Variants in TRHDE observed in about 807,000 individuals in gnomAD.
TRHDE encodes the protein thyrotropin releasing hormone degrading enzyme, also known as thyrotropin-releasing hormone-degrading ectoenzyme.
A neutral mutation model predicts 125.7 loss-of-function variants in TRHDE; 72 were observed. That is an observed-to-expected ratio of 0.57 (90% CI 0.47 to 0.70). The LOEUF (loss-of-function observed/expected upper bound fraction) is 0.70, where lower values mean the gene tolerates loss of function less well. Ranked by LOEUF, TRHDE falls within the 30% of genes least tolerant of loss-of-function variation. The probability of loss-of-function intolerance (pLI) is 0.00; values close to 1 mark genes in which losing one functional copy is unlikely to be tolerated. For missense variants in TRHDE, 1,110 were observed against 1,327.1 expected, an observed-to-expected ratio of 0.84 and a Z score of 2.54; for synonymous variants, 509 against 509.1, an observed-to-expected ratio of 1.00 and a Z score of 0.00.
chr12:72,529,924 C>T (rs1195850789), intron 6 of TRHDE, among the ~76,000 whole-genome samples: 3 of 152,074 alleles, frequency 2.0e-5, no homozygotes, highest in Non-Finnish European at 4.4e-5. Context: ...TGCATCTCAC[C>T]TATCAATTCC....
chr12:72,402,168 C>T (rs1363792996), intron 3 of TRHDE, among the ~76,000 whole-genome samples: 1 of 151,896 alleles, frequency 6.6e-6, no homozygotes, highest in Non-Finnish European at 1.5e-5. Context: ...ATAATCTGTC[C>T]TAGGGGTGTC....
At chr12:72,115,503 T>G (rs754097649) in intron 2 of TRHDE, among the ~76,000 whole-genome samples, 1 of 152,116 alleles carries the variant, frequency 6.6e-6, no homozygotes, top group Non-Finnish European at 1.5e-5. Flanking sequence ...AGTGCTACAA[T>G]AAACACAAGA....
chr12:72,118,595 C>G (rs1056231373), intron 2 of TRHDE, among the ~76,000 whole-genome samples: 3 of 152,100 alleles, frequency 2.0e-5, no homozygotes, highest in Non-Finnish European at 2.9e-5. Flanking sequence ...GCCTCCTTTT[C>G]TACTTTTTGG....
intron 7 of TRHDE, among the ~76,000 whole-genome samples, chr12:72,561,494 C>A (rs1870175205): frequency 6.6e-6 from 1 of 152,068 alleles, no homozygotes; most frequent in Admixed American, 6.5e-5. Flanking sequence ...TAGAGGAGAA[C>A]AAAGTGTGAA....
At position 72,664,401 on chromosome 12, in the gene TRHDE, C is replaced by T. The variant is rs1003457788; in HGVS notation, c.*1206C>T. On this transcript the variant is annotated 3_prime_UTR_variant, in exon 19 of 19. Coordinates refer to ENST00000261180, the MANE Select transcript of TRHDE (RefSeq NM_013381.3). ...AGTGGGTCTATTAGCATTTAATGAC[C>T]TTTTGTGCCAGTTGTGCCATCCCTT... 6.6e-6 allele frequency: 1 copy of T among 152,408 alleles called. No homozygotes were observed. The highest frequency in any genetic ancestry group is 1.5e-5 in the Non-Finnish European group (1 of 68,002). 9.4% of individuals were successfully genotyped at this position (152,408 alleles called of 1,614,324 possible).
intron 1 of TRHDE, chr12:72,274,985 A>G (rs942742247): frequency 6.6e-6 from 1 of 152,274 alleles, no homozygotes; most frequent in African/African-American, 2.4e-5. Flanking sequence ...CTGAGGGCAG[A>G]TGAACAACCA....
chr12:72,287,310 A>T (rs934691751), intron 2 of TRHDE, among the ~76,000 whole-genome samples: 1 of 152,132 alleles, frequency 6.6e-6, no homozygotes, highest in African/African-American at 2.4e-5. Context: ...TTTTATTGTA[A>T]TGTATTTGAA....
chr12:72,653,717 T>G (rs1265812212), intron 17 of TRHDE, among the ~76,000 whole-genome samples: 1 of 152,134 alleles, frequency 6.6e-6, no homozygotes, highest in Non-Finnish European at 1.5e-5. Flanking sequence ...TATAAGATAT[T>G]TCATTATGCA....
chr12:72,476,074 G>A (rs575296), intron 5 of TRHDE, among the ~76,000 whole-genome samples: 8 of 152,036 alleles, frequency 5.3e-5, no homozygotes, highest in Non-Finnish European at 7.4e-5. Flanking sequence ...GAGCCACCAC[G>A]CCGGGCTAAT....
At position 72,481,097 on chromosome 12, in the gene TRHDE, G is replaced by T. The variant is rs139522057; in HGVS notation, c.1584+7917G>T. Among the ~76,000 whole-genome samples the T allele has an allele frequency of 5.2e-3, 783 of 152,022 alleles. 4 individuals carry two copies. The highest frequency in any genetic ancestry group is 0.018 in the African/African-American group (738 of 41,528). Reference sequence around the variant, plus strand: ...GCTGGGGACTCAGAGGGCAACCAAAGAAAAATTCATTAATTTTCTAATTAT... The same window carrying T: ...GCTGGGGACTCAGAGGGCAACCAAATAAAAATTCATTAATTTTCTAATTAT... On this transcript the variant is annotated intron_variant, in intron 5 of 18. Coordinates refer to ENST00000261180, the MANE Select transcript of TRHDE (RefSeq NM_013381.3).
chr12:72,456,859 T>C (rs1488619577), intron 3 of TRHDE, among the ~76,000 whole-genome samples: 3 of 152,178 alleles, frequency 2.0e-5, no homozygotes, highest in Non-Finnish European at 4.4e-5. Context: ...TCTTTCTGTA[T>C]TTCATTTCTT....
chr12:72,533,184 T>G (rs370263964), intron 6 of TRHDE, among the ~76,000 whole-genome samples: 18 of 152,216 alleles, frequency 1.2e-4, no homozygotes, highest in East Asian at 9.6e-4. Flanking sequence ...TTCTTTTTTT[T>G]TTTGTTTGAG....
intron 2 of TRHDE, among the ~76,000 whole-genome samples, chr12:72,120,450 G>T (rs903333464): frequency 6.6e-6 from 1 of 151,688 alleles, no homozygotes; most frequent in African/African-American, 2.4e-5. Context: ...CTTCCTTTAA[G>T]GTGATTTTCT....
chr12:72,112,277 G>T (rs1941852466), intron 2 of TRHDE, among the ~76,000 whole-genome samples: 1 of 152,138 alleles, frequency 6.6e-6, no homozygotes, highest in Non-Finnish European at 1.5e-5. Context: ...TTGAATTAGC[G>T]ATGTACTTTC....
intron 15 of TRHDE, among the ~76,000 whole-genome samples, chr12:72,645,322 A>C (rs564413643): frequency 4.6e-5 from 7 of 152,340 alleles, no homozygotes; most frequent in African/African-American, 1.7e-4. Flanking sequence ...AACGTAACTG[A>C]AAAATTTACT....
chr12:72,518,822 C>G (rs1452862028), intron 6 of TRHDE, among the ~76,000 whole-genome samples: 1 of 152,106 alleles, frequency 6.6e-6, no homozygotes, highest in East Asian at 1.9e-4. Context: ...CCTTCAGGAG[C>G]TCTTTTAGGG....
intron 15 of TRHDE, among the ~76,000 whole-genome samples, chr12:72,623,896 C>T (rs1043275361): frequency 1.3e-5 from 2 of 152,000 alleles, no homozygotes; most frequent in African/African-American, 4.8e-5. Flanking sequence ...AACTCTGCCA[C>T]TTATCTGTGG....
chr12:72,214,239 G>A (rs1214741585), intron 2 of TRHDE, among the ~76,000 whole-genome samples: 2 of 152,024 alleles, frequency 1.3e-5, no homozygotes, highest in Non-Finnish European at 2.9e-5. Context: ...ATGCTGAAAC[G>A]CAACACTTCG....
chr12:72,352,977 T>C (rs1167361339), intron 2 of TRHDE, among the ~76,000 whole-genome samples: 1 of 151,366 alleles, frequency 6.6e-6, no homozygotes, highest in Non-Finnish European at 1.5e-5. Context: ...TTTAAAAAAG[T>C]AGTATGTGTT....
Sources: gnomAD v4.1 joint callset for allele counts (sites outside exome capture counted in the v4.1 genomes callset) on GRCh38, gnomAD v4.1.1 for gene constraint, MANE v1.5 for transcripts, NCBI Gene and HGNC (gene_info 2026-07-23, HGNC 2026-07-21) for gene names.